The following UST variants were observed in gnomAD, a reference collection of about 807,000 sequenced individuals.
UST encodes chondroitin sulfate 2-O-sulfotransferase.
In UST, 21 loss-of-function variants were observed where a neutral mutation model predicts 45.6. The ratio of observed to expected loss-of-function variants is 0.46; its 90% confidence interval spans 0.33 to 0.66. UST has a LOEUF of 0.66. Among genes scored for constraint, UST ranks in the 30% least tolerant of loss-of-function variants. The pLI is 0.02. For synonymous variants in UST, 215 were observed against 200.6 expected, an observed-to-expected ratio of 1.07 and a Z score of -0.61; for missense variants, 463 against 512.4, an observed-to-expected ratio of 0.90 and a Z score of 0.93.
At chr6:148,930,770 A>G (rs1278312198) in intron 2 of UST, among the ~76,000 whole-genome samples, 1 of 152,204 alleles carries the variant, frequency 6.6e-6, no homozygotes, top group African/African-American at 2.4e-5. Context: ...CCATTATCGT[A>G]CCAATCTGCC....
intron 2 of UST, among the ~76,000 whole-genome samples, chr6:148,918,467 GCAGA>G (rs2114891086): frequency 6.6e-6 from 1 of 152,286 alleles, no homozygotes; most frequent in East Asian, 1.9e-4. Context: ...GAATTTGTCT[GCAGA>G]CAATGTGCTT....
At position 148,941,280 on chromosome 6, in the gene UST, T is replaced by G; in HGVS notation, c.293T>G (p.Val98Gly). Residue 98 changes from valine to glycine, a missense_variant and splice_region_variant, in exon 3 of 8, where the codon GTA (valine) becomes GGA (glycine). Coordinates refer to ENST00000367463, the MANE Select transcript of UST (RefSeq NM_005715.3). ...TTGTTCTCTTGGTTTTTTTCCCAGG[T>G]ACTACCTTTCCCAAGCCAGGTGGTG... The part of the protein sequence containing the change: ...LDDHGPPPSK[V>G]LPFPSQVVYN... 1 of 1,613,134 alleles carries G rather than the reference T, an allele frequency of 6.2e-7. No individual in the cohort carries two copies. Among genetic ancestry groups the G allele is most frequent in the Non-Finnish European group, 8.5e-7 (1 of 1,179,730 alleles).
rs761564850 is a variant in UST, at chr6:149,074,083, T to C, written c.1188T>C (p.Asp396=). ...EEPIDDEEQD[D]EKWLEDIYKR ...CAATCGACGATGAAGAACAGGATGA[T>C]GAAAAGTGGCTGGAAGATATTTATA... Residue 396 remains aspartate, a synonymous_variant, in exon 8 of 8, where the codon GAT becomes GAC. Transcript: ENST00000367463. 1 of 1,614,210 alleles carries C rather than the reference T, an allele frequency of 6.2e-7. No homozygotes were observed. Among genetic ancestry groups the C allele is most frequent in the East Asian group, 2.2e-5 (1 of 44,880 alleles).
chr6:149,070,392 C>T (rs1776801770), intron 7 of UST, among the ~76,000 whole-genome samples: 1 of 152,092 alleles, frequency 6.6e-6, no homozygotes. Context: ...TGTTAGGAAC[C>T]CATTTCAGAA....
At chr6:148,967,463 A>G (rs907836804) in intron 5 of UST, among the ~76,000 whole-genome samples, 1 of 152,056 alleles carries the variant, frequency 6.6e-6, no homozygotes, top group African/African-American at 2.4e-5. Flanking sequence ...AAGATGGTCT[A>G]TTGCCTTTTT....
intron 2 of UST, among the ~76,000 whole-genome samples, chr6:148,932,738 A>G (rs1779945810): frequency 6.6e-6 from 1 of 152,206 alleles, no homozygotes; most frequent in African/African-American, 2.4e-5. Flanking sequence ...GCTTCTTTGT[A>G]TGAAAATTCT....
chr6:148,764,531 T>C (rs1776282193), intron 1 of UST, among the ~76,000 whole-genome samples: 1 of 152,208 alleles, frequency 6.6e-6, no homozygotes, highest in South Asian at 2.1e-4. Context: ...CAACGTGGGT[T>C]CTTTTCTATT....
chr6:148,878,864 C>T (rs943630208), intron 1 of UST, among the ~76,000 whole-genome samples: 1 of 151,718 alleles, frequency 6.6e-6, no homozygotes, highest in Non-Finnish European at 1.5e-5. Flanking sequence ...GTGTGGGGAT[C>T]ATGTATGAGT....
At chr6:149,001,238 A>AT (rs1442604437) in intron 5 of UST, among the ~76,000 whole-genome samples, 2 of 151,828 alleles carry the variant, frequency 1.3e-5, no homozygotes, top group Non-Finnish European at 2.9e-5. Flanking sequence ...CGCCTGGCTA[A>AT]TTTTTTTGTA....
At chr6:149,019,927 C>A (rs570760574) in intron 6 of UST, among the ~76,000 whole-genome samples, 1 of 152,126 alleles carries the variant, frequency 6.6e-6, no homozygotes, top group Non-Finnish European at 1.5e-5. Flanking sequence ...TCTGGCGTAG[C>A]TATAGTTGAA....
At chr6:148,902,062 A>AT (rs1430693844) in intron 2 of UST, among the ~76,000 whole-genome samples, 1 of 151,916 alleles carries the variant, frequency 6.6e-6, no homozygotes, top group Non-Finnish European at 1.5e-5. Flanking sequence ...CGAATTCCTG[A>AT]TTTTTTATAT....
At chr6:148,749,205 CCT>C (rs1775942832) in intron 1 of UST, among the ~76,000 whole-genome samples, 1 of 152,186 alleles carries the variant, frequency 6.6e-6, no homozygotes, top group African/African-American at 2.4e-5. Context: ...GGGAATCAAA[CCT>C]CTTCTTTTCA....
chr6:148,955,751 C>T (rs1357899130), intron 4 of UST: 2 of 152,248 alleles, frequency 1.3e-5, no homozygotes, highest in South Asian at 2.1e-4. Flanking sequence ...TCTGAGTCAC[C>T]CCTGACATCC....
intron 1 of UST, among the ~76,000 whole-genome samples, chr6:148,852,465 C>T (rs181336732): frequency 2.6e-5 from 4 of 152,278 alleles, no homozygotes; most frequent in South Asian, 4.1e-4. Context: ...TGTTCTCAGA[C>T]TTACTGATTT....
Position 148,824,677 on chromosome 6 carries a change from T to TC in UST, c.248-62309_248-62308insC, listed in dbSNP as rs555380609. On this transcript the variant is annotated intron_variant, in intron 1 of 7. Transcript: ENST00000367463. The stretch of plus-strand genomic sequence containing the variant: ...GGGGGTAGATGGTATTTTCTTTCTT[T>TC]TTTTTTTTTTTTTTATTATACTCTA... Among the ~76,000 whole-genome samples, 609 of 149,412 alleles carry TC rather than the reference T, an allele frequency of 4.1e-3. 5 individuals are homozygous for TC. Among genetic ancestry groups the TC allele is most frequent in the African/African-American group, 0.013 (528 of 40,594 alleles).
At chr6:148,754,058 G>A (rs558091066) in intron 1 of UST, among the ~76,000 whole-genome samples, 18 of 150,538 alleles carry the variant, frequency 1.2e-4, no homozygotes, top group Admixed American at 4.6e-4. Flanking sequence ...GCAGTGGCGC[G>A]ATCTCAGCTC....
intron 5 of UST, among the ~76,000 whole-genome samples, chr6:149,000,800 TG>T (rs1454901520): frequency 2.0e-5 from 3 of 151,938 alleles, no homozygotes; most frequent in African/African-American, 7.3e-5. Context: ...ATGAAAAATA[TG>T]GTTATTGAAG....
intron 2 of UST, among the ~76,000 whole-genome samples, chr6:148,917,194 T>G (rs979629372): frequency 5.4e-4 from 82 of 152,216 alleles, no homozygotes; most frequent in Non-Finnish European, 1.9e-4. Flanking sequence ...CCCTCCTTTC[T>G]TCCCCCTCAG....
chr6:148,935,044 T>C (rs992085183), intron 2 of UST, among the ~76,000 whole-genome samples: 5 of 152,306 alleles, frequency 3.3e-5, no homozygotes, highest in African/African-American at 1.2e-4. Flanking sequence ...ACTTTTTACC[T>C]AGAAAGCCTT....
Sources: allele counts gnomAD v4.1 joint callset (sites outside exome capture counted in the v4.1 genomes callset), GRCh38; gene constraint gnomAD v4.1.1; transcripts MANE v1.5; gene names NCBI Gene and HGNC (gene_info 2026-07-23, HGNC 2026-07-21).